The following COMMD1 variants were observed in gnomAD, a reference collection of about 807,000 sequenced individuals.
COMMD1 encodes copper metabolism domain containing 1.
Under a neutral mutation model 17.2 loss-of-function variants are expected in COMMD1, and 10 were observed. That is an observed-to-expected ratio of 0.58 (90% CI 0.36 to 0.99). COMMD1 has a LOEUF of 0.99. Among genes scored for constraint, COMMD1 ranks in the 50% least tolerant of loss-of-function variants. The pLI, the probability that COMMD1 is intolerant of heterozygous loss-of-function variation, is 0.01. For synonymous variants in COMMD1, 97 were observed against 91.6 expected, an observed-to-expected ratio of 1.06 and a Z score of -0.34; for missense variants, 270 against 231.8, an observed-to-expected ratio of 1.17 and a Z score of -1.07.
intron 2 of COMMD1, among the ~76,000 whole-genome samples, chr2:62,110,199 A>G (rs1032120827): frequency 5.9e-5 from 9 of 151,970 alleles, no homozygotes; most frequent in Non-Finnish European, 8.8e-5. Context: ...CCTCCTGAGT[A>G]TGTGGGACTA....
intron 2 of COMMD1, among the ~76,000 whole-genome samples, chr2:62,056,885 A>G (rs1406626242): frequency 2.0e-5 from 3 of 152,188 alleles, no homozygotes; most frequent in Non-Finnish European, 2.9e-5. Context: ...GCAACTTCAA[A>G]TCTCCATACA....
intron 1 of COMMD1, among the ~76,000 whole-genome samples, chr2:61,960,941 G>A (rs1573004547): frequency 6.6e-6 from 1 of 152,058 alleles, no homozygotes; most frequent in African/African-American, 2.4e-5. Flanking sequence ...CCTTCTTTTT[G>A]GCGTTACTGA....
At chr2:61,973,060 A>T (rs559740869) in intron 1 of COMMD1, among the ~76,000 whole-genome samples, 2 of 151,928 alleles carry the variant, frequency 1.3e-5, no homozygotes, top group Admixed American at 6.6e-5. Flanking sequence ...TTATTGTTCA[A>T]TTTTGGTGTT....
At position 61,921,101 on chromosome 2, in the gene COMMD1, C is replaced by T. The variant is rs537533672; in HGVS notation, c.180+15243C>T. On this transcript the variant is annotated intron_variant, in intron 1 of 2. Transcript: ENST00000311832. ...CAAATGATTCTCCTGCCTCAGCTTC[C>T]TGAGTAGCTGGTTCTACAGGTGCGT... Among the ~76,000 whole-genome samples, 6 of 151,464 alleles carry T rather than the reference C, an allele frequency of 4.0e-5. No homozygotes were observed. In the South Asian group the frequency reaches 1.3e-3, roughly 32 times the overall value.
chr2:61,949,092 A>G (rs1390788840), intron 1 of COMMD1, among the ~76,000 whole-genome samples: 1 of 152,264 alleles, frequency 6.6e-6, no homozygotes, highest in African/African-American at 2.4e-5. Flanking sequence ...TGGGCAGCAT[A>G]GCAAGACCCT....
At chr2:62,097,903 G>A (rs963537922) in intron 2 of COMMD1, among the ~76,000 whole-genome samples, 3 of 152,208 alleles carry the variant, frequency 2.0e-5, no homozygotes, top group African/African-American at 7.2e-5. Flanking sequence ...TGTTCCCTCA[G>A]AGCATCCCTA....
chr2:62,117,272 A>G (rs865999408), intron 2 of COMMD1, among the ~76,000 whole-genome samples: 5 of 152,220 alleles, frequency 3.3e-5, no homozygotes, highest in African/African-American at 1.2e-4. Context: ...ACCAAAATGT[A>G]TGTACTCGTT....
chr2:61,937,775 A>C (rs1670640463), intron 1 of COMMD1, among the ~76,000 whole-genome samples: 1 of 152,194 alleles, frequency 6.6e-6, no homozygotes, highest in Non-Finnish European at 1.5e-5. Context: ...AATTTAAAAT[A>C]TGTATCTGTA....
Position 61,962,147 on chromosome 2 carries a change from T to A in COMMD1, c.181-38554T>A, listed in dbSNP as rs549996797. On this transcript the variant is annotated intron_variant, in intron 1 of 2. Transcript: ENST00000311832. ...AGGCCTACTGAACTTAGTCATATGA[T>A]GCTGGGGTATATACCTTACAGTCAG... 4.8e-3 allele frequency among the ~76,000 whole-genome samples: 737 copies of A among 152,348 alleles called. 8 individuals are homozygous for A. Among genetic ancestry groups the A allele is most frequent in the African/African-American group, 0.016 (658 of 41,580 alleles).
chr2:61,902,431 G>A (rs1254178688), upstream of COMMD1, among the ~76,000 whole-genome samples: 2 of 151,814 alleles, frequency 1.3e-5, no homozygotes, highest in African/African-American at 4.8e-5. Context: ...GTTTGAACCC[G>A]GGAGGCGGAG....
At chr2:62,131,954 T>C (rs1310489796) in intron 2 of COMMD1, among the ~76,000 whole-genome samples, 2 of 151,656 alleles carry the variant, frequency 1.3e-5, no homozygotes, top group African/African-American at 2.4e-5. Flanking sequence ...AATAGCGTGA[T>C]CTTGGCTCAC....
intron 1 of COMMD1, among the ~76,000 whole-genome samples, chr2:61,936,700 TG>T (rs962936832): frequency 2.0e-5 from 3 of 152,220 alleles, no homozygotes; most frequent in African/African-American, 7.2e-5. Flanking sequence ...GCTGAAGTGC[TG>T]GGGTTATAGA....
At chr2:62,015,743 A>G (rs1024535740) in intron 2 of COMMD1, among the ~76,000 whole-genome samples, 2 of 134,164 alleles carry the variant, frequency 1.5e-5, no homozygotes, top group Non-Finnish European at 3.1e-5. Flanking sequence ...ATCCGAATGT[A>G]TATAAAGTGG....
chr2:62,111,804 T>C (rs552521352), intron 2 of COMMD1, among the ~76,000 whole-genome samples: 1 of 152,294 alleles, frequency 6.6e-6, no homozygotes, highest in African/African-American at 2.4e-5. Context: ...TTTGGGATAT[T>C]GTTTTTTGAG....
intron 2 of COMMD1, among the ~76,000 whole-genome samples, chr2:62,013,273 C>T (rs536929349): frequency 6.6e-6 from 1 of 150,950 alleles, no homozygotes; most frequent in South Asian, 2.1e-4. Context: ...AAAAAAAATA[C>T]AAAACAACAA....
chr2:62,055,712 C>G (rs1573124366), intron 2 of COMMD1, among the ~76,000 whole-genome samples: 1 of 152,352 alleles, frequency 6.6e-6, no homozygotes, highest in East Asian at 1.9e-4. Context: ...AAGCCCTTTA[C>G]TATTGGTAAG....
chr2:61,902,942 T>C (rs1669688902), upstream of COMMD1, among the ~76,000 whole-genome samples: 1 of 152,156 alleles, frequency 6.6e-6, no homozygotes, highest in Non-Finnish European at 1.5e-5. Context: ...AATTTGTAAA[T>C]TACGTGTTTA....
chr2:62,109,759 A>C (rs1195569997), intron 2 of COMMD1, among the ~76,000 whole-genome samples: 1 of 152,110 alleles, frequency 6.6e-6, no homozygotes, highest in Non-Finnish European at 1.5e-5. Flanking sequence ...TGACTCCACT[A>C]ACCCTAACAA....
chr2:61,916,034 G>A (rs575833174), intron 1 of COMMD1, among the ~76,000 whole-genome samples: 1 of 152,010 alleles, frequency 6.6e-6, no homozygotes, highest in East Asian at 1.9e-4. Flanking sequence ...GCAGTGGTGT[G>A]CACATGGTTT....
Sources: gnomAD v4.1 joint callset for allele counts (sites outside exome capture counted in the v4.1 genomes callset) on GRCh38, gnomAD v4.1.1 for gene constraint, MANE v1.5 for transcripts, NCBI Gene and HGNC (gene_info 2026-07-23, HGNC 2026-07-21) for gene names.